FAM13C: variants seen among roughly 807,000 people sequenced by gnomAD.
FAM13C encodes the protein family with sequence similarity 13 member C.
A neutral mutation model predicts 73.2 loss-of-function variants in FAM13C; 37 were observed. That is an observed-to-expected ratio of 0.51 (90% confidence interval 0.39 to 0.67). The LOEUF is 0.67. Ranked by LOEUF, FAM13C falls within the 30% of genes least tolerant of loss-of-function variation. The pLI, the probability that FAM13C is intolerant of heterozygous loss-of-function variation, is 0.00. For synonymous variants in FAM13C, 246 were observed against 260.9 expected (o/e 0.94, Z 0.55); for missense variants, 589 against 715.6 (o/e 0.82, Z 2.02).
At chr10:59,265,581 T>A (rs748813740) in intron 8 of FAM13C, among the ~76,000 whole-genome samples, 2 of 152,150 alleles carry the variant, frequency 1.3e-5, no homozygotes, top group Non-Finnish European at 2.9e-5. Flanking sequence ...ACTGGATCTG[T>A]TCCACACAGT....
At chr10:59,315,062 A>C (rs1372035241) in intron 4 of FAM13C, among the ~76,000 whole-genome samples, 1 of 152,196 alleles carries the variant, frequency 6.6e-6, no homozygotes, top group Non-Finnish European at 1.5e-5. Context: ...GTCCCAAAGT[A>C]AGATTCAATT....
intron 6 of FAM13C, among the ~76,000 whole-genome samples, chr10:59,278,836 A>T (rs1253554268): frequency 1.1e-5 from 1 of 90,110 alleles, no homozygotes; most frequent in Non-Finnish European, 2.1e-5. Context: ...ATACACATAC[A>T]CACACACACA....
chr10:59,330,213 T>C (rs1851793038), intron 3 of FAM13C, among the ~76,000 whole-genome samples: 1 of 152,158 alleles, frequency 6.6e-6, no homozygotes, highest in Admixed American at 6.6e-5. Flanking sequence ...TAATTAAAAA[T>C]TGTATAAAAT....
At chr10:59,308,544 C>CCACCACCACCAGCACCATCAACCACCAT in intron 4 of FAM13C, among the ~76,000 whole-genome samples, 1 of 56,066 alleles carries the variant, frequency 1.8e-5, no homozygotes, top group African/African-American at 4.8e-5. Context: ...ATCACCCCCA[C>CCACCACCACCAGCACCATCAACCACCAT]CACCACCACC....
chr10:59,314,146 A>G (rs1476435961), intron 4 of FAM13C, among the ~76,000 whole-genome samples: 4 of 152,158 alleles, frequency 2.6e-5, no homozygotes, highest in Admixed American at 1.3e-4. Context: ...ATGAGATTAA[A>G]ATTTAGATAA....
At chr10:59,294,687 G>T (rs775724114) in intron 5 of FAM13C, among the ~76,000 whole-genome samples, 1 of 152,202 alleles carries the variant, frequency 6.6e-6, no homozygotes, top group Admixed American at 6.5e-5. Context: ...AGTTCATTCA[G>T]CTGGGAATGA....
Position 59,254,412 on chromosome 10 carries a change from G to A in FAM13C, c.1268C>T (p.Pro423Leu), listed in dbSNP as rs1187940634. The change falls in exon 11 of 14, where the codon CCG becomes CTG. Residue 423 changes from proline (P) to leucine (L), a missense_variant. Coordinates refer to ENST00000618804, the MANE Select transcript of FAM13C (RefSeq NM_198215.4). Reference sequence around the variant, plus strand: ...GATAATTCTGTATCGGTCATAAAGCGGCTTTATGAGGTTCTTGTCTTGCTT... The same window carrying A: ...GATAATTCTGTATCGGTCATAAAGCAGCTTTATGAGGTTCTTGTCTTGCTT... ...VTKQDKNLIK[P>L]LYDRYRIIKQ... The A allele has an allele frequency of 5.8e-6, 9 of 1,548,582 alleles. No homozygotes were observed. The highest frequency in any genetic ancestry group is 1.9e-5 in the Admixed American group (1 of 52,354).
chr10:59,312,298 T>C (rs1413976061), intron 4 of FAM13C, among the ~76,000 whole-genome samples: 2 of 152,248 alleles, frequency 1.3e-5, no homozygotes, highest in South Asian at 2.1e-4. Flanking sequence ...GGGATTTGAG[T>C]AGGCATTAAT....
chr10:59,357,069 C>T (rs1048939103), intron 1 of FAM13C, among the ~76,000 whole-genome samples: 21 of 152,170 alleles, frequency 1.4e-4, no homozygotes, highest in Non-Finnish European at 5.9e-5. Context: ...GCACTGTTGG[C>T]TTCCCTACTT....
At chr10:59,329,088 C>T (rs1345401876) in intron 3 of FAM13C, among the ~76,000 whole-genome samples, 8 of 152,016 alleles carry the variant, frequency 5.3e-5, no homozygotes, top group South Asian at 2.1e-4. Context: ...GCGTCCTGTA[C>T]GAGTTGATTT....
intron 3 of FAM13C, among the ~76,000 whole-genome samples, chr10:59,340,906 C>G (rs887824248): frequency 2.0e-5 from 3 of 151,780 alleles, no homozygotes; most frequent in African/African-American, 7.3e-5. Flanking sequence ...TTTTGAGTTT[C>G]AGAGAGAGCA....
At chr10:59,348,524 T>A (rs1453052947) in intron 3 of FAM13C, among the ~76,000 whole-genome samples, 1 of 152,252 alleles carries the variant, frequency 6.6e-6, no homozygotes, top group African/African-American at 2.4e-5. Flanking sequence ...GAATGTTGAC[T>A]TATCCACAGT....
chr10:59,250,620 C>T (rs1482752791), intron 13 of FAM13C, among the ~76,000 whole-genome samples: 2 of 152,156 alleles, frequency 1.3e-5, no homozygotes, highest in Non-Finnish European at 2.9e-5. Flanking sequence ...AGTCCCTTTC[C>T]ATCAGGACAA....
At chr10:59,359,947 A>G (rs1460049738) in intron 1 of FAM13C, among the ~76,000 whole-genome samples, 2 of 152,244 alleles carry the variant, frequency 1.3e-5, no homozygotes, top group African/African-American at 4.8e-5. Context: ...TGACCATGGA[A>G]AAATATTAGA....
chr10:59,340,286 A>T (rs1209314182), intron 3 of FAM13C, among the ~76,000 whole-genome samples: 1 of 152,160 alleles, frequency 6.6e-6, no homozygotes, highest in Non-Finnish European at 1.5e-5. Flanking sequence ...TATTATCTCC[A>T]TTGCCCAGAG....
Position 59,309,791 on chromosome 10 carries a change from C to T in FAM13C, c.444-6927G>A, listed in dbSNP as rs528590551. Among the ~76,000 whole-genome samples, 5 of 152,336 alleles carry T rather than the reference C, an allele frequency of 3.3e-5. No individual in the cohort carries two copies. The South Asian group carries it at 8.3e-4, about 25-fold the overall frequency. On this transcript the variant is annotated intron_variant, in intron 4 of 13. Coordinates refer to ENST00000618804, the MANE Select transcript of FAM13C (RefSeq NM_198215.4). ...TGGAGCAAGGACCATAGCAGCCTTG[C>T]TTAGCATTTTATCTCTAGGGCCAAG...
intron 4 of FAM13C, among the ~76,000 whole-genome samples, chr10:59,303,209 A>T (rs1185101441): frequency 6.6e-6 from 1 of 152,150 alleles, no homozygotes; most frequent in Non-Finnish European, 1.5e-5. Context: ...TGGGATCTGC[A>T]TACAATTCAC....
intron 10 of FAM13C, among the ~76,000 whole-genome samples, chr10:59,257,574 A>G (rs1345209072): frequency 1.3e-5 from 2 of 152,244 alleles, no homozygotes; most frequent in African/African-American, 2.4e-5. Context: ...AATGGAAAAC[A>G]TGCTTCTTAG....
chr10:59,361,006 C>A (rs1015170012), intron 1 of FAM13C: 1 of 1,288,870 alleles, frequency 7.8e-7, no homozygotes, highest in African/African-American at 1.5e-5. Context: ...TTAAGCACAG[C>A]AAAGGGAGGA....
Sources: allele counts gnomAD v4.1 joint callset (sites outside exome capture counted in the v4.1 genomes callset), GRCh38; gene constraint gnomAD v4.1.1; transcripts MANE v1.5; gene names NCBI Gene and HGNC (gene_info 2026-07-23, HGNC 2026-07-21).